Variants in FAM135B observed in about 807,000 individuals in gnomAD.
The protein encoded by FAM135B is family with sequence similarity 135 member B, also known as protein FAM135B.
A neutral mutation model predicts 127.7 loss-of-function variants in FAM135B; 43 were observed. That is an observed-to-expected ratio of 0.34 (90% CI 0.26 to 0.43). The LOEUF (loss-of-function observed/expected upper bound fraction) is 0.43, where lower values mean the gene tolerates loss of function less well. Ranked by LOEUF, FAM135B falls within the 20% of genes least tolerant of loss-of-function variation. FAM135B has a pLI of 1.00. For missense variants in FAM135B, 1,558 were observed against 1,725.6 expected, an observed-to-expected ratio of 0.90 and a Z score of 1.72; for synonymous variants, 670 against 665.1, an observed-to-expected ratio of 1.01 and a Z score of -0.11.
chr8:138,437,745 T>C (rs1034171634), intron 1 of FAM135B: 2 of 152,154 alleles, frequency 1.3e-5, no homozygotes, highest in Admixed American at 1.3e-4. Context: ...TACAGCAGCA[T>C]AAAGTGAAGA....
chr8:138,434,173 A>C (rs1049448339), intron 1 of FAM135B, among the ~76,000 whole-genome samples: 3 of 152,190 alleles, frequency 2.0e-5, no homozygotes, highest in African/African-American at 7.2e-5. Flanking sequence ...GTGTGCATGA[A>C]TCATAATCAC....
chr8:138,351,695 T>TC (rs1829795216), intron 2 of FAM135B, among the ~76,000 whole-genome samples: 1 of 150,346 alleles, frequency 6.7e-6, no homozygotes, highest in African/African-American at 2.4e-5. Flanking sequence ...TTTTTTTTTT[T>TC]TTTTTTTTTT....
chr8:138,390,085 C>A (rs1225374808), intron 1 of FAM135B, among the ~76,000 whole-genome samples: 3 of 152,182 alleles, frequency 2.0e-5, no homozygotes, highest in Non-Finnish European at 2.9e-5. Context: ...CCAGACTTAG[C>A]AAATAAAAAT....
At chr8:138,216,387 G>A (rs1818547197) in intron 7 of FAM135B, among the ~76,000 whole-genome samples, 1 of 152,156 alleles carries the variant, frequency 6.6e-6, no homozygotes, top group South Asian at 2.1e-4. Context: ...CACAGATGCT[G>A]AAGGTTATAG....
intron 1 of FAM135B, among the ~76,000 whole-genome samples, chr8:138,479,068 T>C (rs148670846): frequency 1.6e-3 from 243 of 152,296 alleles, no homozygotes; most frequent in Non-Finnish European, 2.6e-3. Context: ...TCTACTTACA[T>C]GTATCACTTT....
At chr8:138,481,674 T>C (rs763409116) in intron 1 of FAM135B, among the ~76,000 whole-genome samples, 1 of 152,222 alleles carries the variant, frequency 6.6e-6, no homozygotes, top group Admixed American at 6.5e-5. Flanking sequence ...TCATGCTTTA[T>C]TGCTTTATTC....
At chr8:138,191,085 T>C (rs995566261) in intron 9 of FAM135B, among the ~76,000 whole-genome samples, 4 of 152,224 alleles carry the variant, frequency 2.6e-5, no homozygotes, top group African/African-American at 7.2e-5. Context: ...TAATATTTTA[T>C]GGAGTTTGAC....
intron 1 of FAM135B, among the ~76,000 whole-genome samples, chr8:138,473,052 T>C (rs1314040479): frequency 5.3e-5 from 8 of 152,230 alleles, no homozygotes; most frequent in African/African-American, 1.7e-4. Flanking sequence ...AAAATAGGAA[T>C]AAACTGAGAT....
At chr8:138,203,667 C>T (rs1240560404) in intron 7 of FAM135B, among the ~76,000 whole-genome samples, 1 of 152,000 alleles carries the variant, frequency 6.6e-6, no homozygotes, top group African/African-American at 2.4e-5. Flanking sequence ...CTTTTTGGCA[C>T]CAGGGACTCG....
chr8:138,282,684 C>T (rs967165735), intron 3 of FAM135B, among the ~76,000 whole-genome samples: 1 of 152,114 alleles, frequency 6.6e-6, no homozygotes, highest in Non-Finnish European at 1.5e-5. Context: ...ATACCAAATG[C>T]TAGCAAAGGT....
At chr8:138,426,040 C>CATATATATAT (rs1834858655) in intron 1 of FAM135B, among the ~76,000 whole-genome samples, 1 of 73,870 alleles carries the variant, frequency 1.4e-5, no homozygotes, top group African/African-American at 7.4e-5. Flanking sequence ...CACACACACA[C>CATATATATAT]ACACACACAC....
At chr8:138,294,799 T>C (rs1512384) in intron 3 of FAM135B, among the ~76,000 whole-genome samples, 129,570 of 152,192 alleles carry the variant, frequency 0.85, 56,347 homozygotes, top group Non-Finnish European at 0.96. Flanking sequence ...TGAAAGTGTC[T>C]TTAGATTTCA....
chr8:138,255,176 T>A (rs962648532), intron 5 of FAM135B, among the ~76,000 whole-genome samples: 1 of 151,994 alleles, frequency 6.6e-6, no homozygotes, highest in Non-Finnish European at 1.5e-5. Context: ...ATAGCAGGCA[T>A]GAGCCACTGC....
chr8:138,150,024 G>C (rs534185535), intron 13 of FAM135B, among the ~76,000 whole-genome samples: 1 of 152,314 alleles, frequency 6.6e-6, no homozygotes, highest in South Asian at 2.1e-4. Flanking sequence ...ATGTTTACCT[G>C]CCTGTGGCAA....
intron 7 of FAM135B, among the ~76,000 whole-genome samples, chr8:138,198,058 A>T (rs1816804862): frequency 6.6e-6 from 1 of 152,198 alleles, no homozygotes; most frequent in Non-Finnish European, 1.5e-5. Context: ...TTCCCACCCA[A>T]GTCTCACCTT....
In FAM135B at chr8:138,138,970, G is replaced by T. The variant is rs371299779; in HGVS notation, c.3901+16C>A. 525 of 1,504,314 alleles carry T rather than the reference G, an allele frequency of 3.5e-4. 5 individuals carry two copies. In the Middle Eastern group the frequency reaches 4.3e-3, roughly 12 times the overall value. 93.2% of individuals were successfully genotyped at this position (1,504,314 alleles called of 1,614,324 possible). A position where few individuals can be genotyped will look rare whatever the true frequency, so the allele number is the denominator to read the frequency against. On this transcript the variant is annotated intron_variant, in intron 18 of 19. Coordinates refer to ENST00000395297, the MANE Select transcript of FAM135B (RefSeq NM_015912.4). The stretch of plus-strand genomic sequence containing the variant: ...AGCTCAAACTCATAACTGCAGCTGT[G>T]GGGGAAACCACTGACCTGTTTTTTG...
chr8:138,151,823 G>A lies in FAM135B; in HGVS notation c.2652C>T (p.Arg884=), dbSNP rs112196595. ...TCCTGGGGTTTTCAAGTGCTATGACGCGTGGTATTTTTAAATTAAGACCTT... is the reference window on the plus strand; with the variant it reads ...TCCTGGGGTTTTCAAGTGCTATGACACGTGGTATTTTTAAATTAAGACCTT... The part of the protein sequence containing the change: ...ETKGLNLKIP[R]VIALENPRTR... The change falls in exon 13 of 20, where the codon CGC becomes CGT. Residue 884 remains arginine (R), a synonymous_variant. Coordinates refer to ENST00000395297, the MANE Select transcript of FAM135B (RefSeq NM_015912.4). 8.4e-4 allele frequency: 1,362 copies of A among 1,614,076 alleles called. 7 individuals are homozygous for A. The highest frequency in any genetic ancestry group is 7.6e-3 in the Middle Eastern group (46 of 6,062).
intron 1 of FAM135B, chr8:138,439,211 T>C (rs1476739875): frequency 6.6e-6 from 1 of 152,210 alleles, no homozygotes; most frequent in Non-Finnish European, 1.5e-5. Context: ...AGTACAAAGA[T>C]AATATTCTTC....
intron 1 of FAM135B, among the ~76,000 whole-genome samples, chr8:138,385,221 G>C (rs1832119435): frequency 6.6e-6 from 1 of 152,138 alleles, no homozygotes; most frequent in Admixed American, 6.5e-5. Context: ...ATTTCCTCAA[G>C]TAGCCTCTTC....
Sources: allele counts gnomAD v4.1 joint callset (sites outside exome capture counted in the v4.1 genomes callset), GRCh38; gene constraint gnomAD v4.1.1; transcripts MANE v1.5; gene names NCBI Gene and HGNC (gene_info 2026-07-23, HGNC 2026-07-21).